MAP4: variants seen among roughly 807,000 people sequenced by gnomAD.
MAP4 encodes microtubule associated protein 4, also known as microtubule-associated protein 4.
A neutral mutation model predicts 170.2 loss-of-function variants in MAP4; 76 were observed. The observed-to-expected ratio is 0.45, with a 90% CI of 0.37 to 0.54. The LOEUF (loss-of-function observed/expected upper bound fraction) is 0.54, where lower values mean the gene tolerates loss of function less well. MAP4 is among the 20% of genes least tolerant of loss of function. The pLI is 0.00. For synonymous variants in MAP4, 909 were observed against 994.5 expected (o/e 0.91, Z 1.62); for missense variants, 2,506 against 2,748.0 (o/e 0.91, Z 1.97).
intron 3 of MAP4, among the ~76,000 whole-genome samples, chr3:47,970,795 C>A (rs1192848965): frequency 6.6e-6 from 1 of 151,946 alleles, no homozygotes; most frequent in Non-Finnish European, 1.5e-5. Context: ...CAAGCCTGGG[C>A]AACAAGGGCG....
chr3:48,067,315 T>C (rs1247873289), intron 1 of MAP4, among the ~76,000 whole-genome samples: 1 of 152,150 alleles, frequency 6.6e-6, no homozygotes, highest in Admixed American at 6.5e-5. Flanking sequence ...GTCTGGAATA[T>C]TATGTTCCCC....
chr3:48,009,033 G>A lies in MAP4; in HGVS notation c.-20+7301C>T, dbSNP rs578209231. The stretch of plus-strand genomic sequence containing the variant: ...AGACACTTACTCTGGATATGGGTTC[G>A]CCTATCCTGTATGCAATGCTTCTAC... On this transcript the variant is annotated intron_variant, in intron 1 of 20. Transcript: ENST00000683076. Among the ~76,000 whole-genome samples the A allele has an allele frequency of 5.3e-5, 8 of 152,266 alleles. No individual in the cohort carries two copies. The South Asian group carries it at 8.3e-4, about 16-fold the overall frequency.
chr3:47,959,317 G>T (rs745520453), intron 3 of MAP4, among the ~76,000 whole-genome samples: 1 of 152,036 alleles, frequency 6.6e-6, no homozygotes, highest in Non-Finnish European at 1.5e-5. Flanking sequence ...AATCAGCCGA[G>T]CGTGGTAGCA....
At chr3:47,908,293 AAT>A (rs1389655990) in intron 9 of MAP4, among the ~76,000 whole-genome samples, 2 of 152,322 alleles carry the variant, frequency 1.3e-5, no homozygotes, top group East Asian at 1.9e-4. Context: ...TACTTGACTG[AAT>A]AGAGCCAAAA....
intron 8 of MAP4, among the ~76,000 whole-genome samples, chr3:47,914,421 G>T (rs1326125686): frequency 6.6e-6 from 1 of 151,900 alleles, no homozygotes; most frequent in Non-Finnish European, 1.5e-5. Flanking sequence ...ATGGTGGCAG[G>T]CGCCTGTAAT....
intron 4 of MAP4, among the ~76,000 whole-genome samples, chr3:47,926,159 T>C (rs1280429476): frequency 7.2e-6 from 1 of 139,746 alleles, no homozygotes; most frequent in Admixed American, 7.3e-5. Flanking sequence ...CCCGGCCAAT[T>C]CAGTGGAATT....
Position 47,855,134 on chromosome 3 carries a change from G to T in MAP4, c.6696+114C>A. The T allele has an allele frequency of 1.4e-6, 1 of 701,250 alleles. No homozygotes were observed. Among genetic ancestry groups the T allele is most frequent in the South Asian group, 1.6e-5 (1 of 62,122 alleles). 43.4% of individuals were successfully genotyped at this position (701,250 alleles called of 1,614,324 possible). The stretch of plus-strand genomic sequence containing the variant: ...ACGGCAATGGTGTGGGTGAAGACAT[G>T]ACTCCTGAAGAGACTGAGGGGCGGT... On this transcript the variant is annotated intron_variant, in intron 19 of 20. Transcript: ENST00000683076. This position sits in a 1 kb window ranked among gnomAD's most constrained non-coding sequence, Gnocchi z 5.1.
chr3:47,992,685 T>C (rs75913235), intron 2 of MAP4, among the ~76,000 whole-genome samples: 6,437 of 152,200 alleles, frequency 0.042, 304 homozygotes, highest in Admixed American at 0.13. Flanking sequence ...GGAGTTTTTT[T>C]GTATCAAAAT....
intron 1 of MAP4, among the ~76,000 whole-genome samples, chr3:48,065,203 C>G (rs1193582724): frequency 6.6e-6 from 1 of 152,162 alleles, no homozygotes; most frequent in Non-Finnish European, 1.5e-5. Flanking sequence ...TCTTTATATA[C>G]TACTGTACCA....
At chr3:48,028,112 T>C (rs1209271412) in intron 1 of MAP4, among the ~76,000 whole-genome samples, 1 of 152,038 alleles carries the variant, frequency 6.6e-6, no homozygotes, top group African/African-American at 2.4e-5. Context: ...GCCAACATAG[T>C]GAAACCTCAT....
chr3:47,983,233 G>A (rs1293763877), intron 2 of MAP4, among the ~76,000 whole-genome samples: 1 of 152,062 alleles, frequency 6.6e-6, no homozygotes, highest in African/African-American at 2.4e-5. Context: ...TTAAGAGAGA[G>A]GGTTTTGCTC....
intron 1 of MAP4, among the ~76,000 whole-genome samples, chr3:48,035,192 A>G (rs1220224442): frequency 6.8e-6 from 1 of 146,812 alleles, no homozygotes; most frequent in Non-Finnish European, 1.5e-5. Flanking sequence ...ATTTGTATGA[A>G]AAAAAAAAAA....
At chr3:47,981,204 GA>G (rs1203839467) in intron 2 of MAP4, among the ~76,000 whole-genome samples, 2 of 152,114 alleles carry the variant, frequency 1.3e-5, no homozygotes, top group African/African-American at 4.8e-5. Flanking sequence ...AGTAATAAAA[GA>G]AATGAGAGCA....
chr3:47,981,101 T>C (rs2100085160), intron 2 of MAP4, among the ~76,000 whole-genome samples: 1 of 152,114 alleles, frequency 6.6e-6, no homozygotes, highest in Non-Finnish European at 1.5e-5. Context: ...CATAAAAGTA[T>C]AAAAAAGTGA....
chr3:47,986,488 A>G (rs895160888), intron 2 of MAP4, among the ~76,000 whole-genome samples: 1 of 151,982 alleles, frequency 6.6e-6, no homozygotes, highest in Non-Finnish European at 1.5e-5. Flanking sequence ...TTACAGGCGC[A>G]TGCCACCACA....
In MAP4 at chr3:48,009,390, C is replaced by T. The variant is rs565104672; in HGVS notation, c.-20+6944G>A. On this transcript the variant is annotated intron_variant, in intron 1 of 20. Transcript: ENST00000683076. ...TGCTGGGATTACAGGCGTGAGCCACCGCACCCAGCTGACTCATGGAATGCC... is the reference window on the plus strand; with the variant it reads ...TGCTGGGATTACAGGCGTGAGCCACTGCACCCAGCTGACTCATGGAATGCC... Among the ~76,000 whole-genome samples, 4 of 152,306 alleles carry T rather than the reference C, an allele frequency of 2.6e-5. No individual in the cohort carries two copies. The East Asian group carries it at 5.8e-4, about 22-fold the overall frequency.
intron 5 of MAP4, among the ~76,000 whole-genome samples, chr3:47,920,586 C>T (rs1051734840): frequency 3.8e-5 from 5 of 131,700 alleles, no homozygotes; most frequent in Non-Finnish European, 6.2e-5. Flanking sequence ...GGTCTCAACT[C>T]TGTTGTCCAG....
At chr3:47,857,876 T>A (rs185511432) in intron 17 of MAP4, among the ~76,000 whole-genome samples, 77 of 151,856 alleles carry the variant, frequency 5.1e-4, no homozygotes, top group Admixed American at 3.7e-3. Context: ...ATCTGGCTAA[T>A]TTTTTGTATT....
intron 3 of MAP4, among the ~76,000 whole-genome samples, chr3:47,947,077 A>G (rs1048871131): frequency 2.0e-5 from 3 of 152,216 alleles, no homozygotes; most frequent in African/African-American, 7.2e-5. Context: ...AAGAAAAACC[A>G]CTTTCCCAAG....
Sources: gnomAD v4.1 joint callset for allele counts (sites outside exome capture counted in the v4.1 genomes callset) on GRCh38, gnomAD v4.1.1 for gene constraint, Gnocchi (gnomAD v3.1) non-coding constraint, MANE v1.5 for transcripts, NCBI Gene and HGNC (gene_info 2026-07-23, HGNC 2026-07-21) for gene names.